Variants in PGGT1B observed in about 807,000 individuals in gnomAD.
PGGT1B encodes the protein protein geranylgeranyltransferase type I subunit beta.
A neutral mutation model predicts 46.1 loss-of-function variants in PGGT1B; 30 were observed. That is an observed-to-expected ratio of 0.65 (90% CI 0.49 to 0.88). The LOEUF (loss-of-function observed/expected upper bound fraction) is 0.88, where lower values mean the gene tolerates loss of function less well. Ranked by LOEUF, PGGT1B falls within the 40% of genes least tolerant of loss-of-function variation. PGGT1B has a pLI of 0.00. For missense variants in PGGT1B, 376 were observed against 455.9 expected (o/e 0.82, Z 1.60); for synonymous variants, 170 against 160.0 (o/e 1.06, Z -0.47).
chr5:115,254,220 T>C (rs994828823), intron 1 of PGGT1B, among the ~76,000 whole-genome samples: 12 of 152,028 alleles, frequency 7.9e-5, no homozygotes, highest in Admixed American at 3.3e-4. Flanking sequence ...AGTACTATTA[T>C]CTAGAATAGT....
chr5:115,224,486 T>A (rs1040007856), intron 6 of PGGT1B, among the ~76,000 whole-genome samples: 1 of 152,216 alleles, frequency 6.6e-6, no homozygotes, highest in Admixed American at 6.5e-5. Context: ...TGCTTTAACA[T>A]TCATTTACCA....
intron 8 of PGGT1B, among the ~76,000 whole-genome samples, chr5:115,213,698 G>A (rs963633091): frequency 2.0e-5 from 3 of 152,138 alleles, no homozygotes; most frequent in Non-Finnish European, 4.4e-5. Context: ...CTGAGCCTAG[G>A]GAGGTTGAGG....
chr5:115,262,835 T>A lies in PGGT1B; in HGVS notation c.17A>T (p.Asp6Val). 2 of 1,611,984 alleles carry A rather than the reference T, an allele frequency of 1.2e-6. No homozygotes were observed. The highest frequency in any genetic ancestry group is 1.7e-6 in the Non-Finnish European group (2 of 1,179,830). ...CTCACCGCTCCCTGCTAGCCTCTCATCCTCAGTGGCCGCCATGCTGCTCCG... is the reference window on the plus strand; with the variant it reads ...CTCACCGCTCCCTGCTAGCCTCTCAACCTCAGTGGCCGCCATGCTGCTCCG... Reference protein sequence around the residue: MAATEDERLAGSGEGE... With the variant: MAATEVERLAGSGEGE... Residue 6 changes from aspartate (D) to valine (V), a missense_variant, in exon 1 of 9, where the codon GAT becomes GTT. This residue lies in a region of PGGT1B where 154 missense variants were observed against 142.3 expected (regional missense o/e 1.08). Transcript: ENST00000419445.
intron 2 of PGGT1B, among the ~76,000 whole-genome samples, chr5:115,242,850 C>T (rs1381142978): frequency 1.3e-5 from 2 of 152,014 alleles, no homozygotes; most frequent in Non-Finnish European, 2.9e-5. Flanking sequence ...GCCTGTAATC[C>T]CAGCTACTGG....
At chr5:115,259,382 A>G (rs565816558) in intron 1 of PGGT1B, among the ~76,000 whole-genome samples, 1 of 152,268 alleles carries the variant, frequency 6.6e-6, no homozygotes, top group Non-Finnish European at 1.5e-5. Flanking sequence ...ATGTACTGCT[A>G]GACTGTGATA....
At position 115,216,956 on chromosome 5, in the gene PGGT1B, T is replaced by C. The variant is rs183938988; in HGVS notation, c.861A>G (p.Gln287=). The C allele has an allele frequency of 8.8e-4, 1,320 of 1,507,006 alleles. 6 individuals are homozygous for C. Among genetic ancestry groups the C allele is most frequent in the Non-Finnish European group, 2.8e-4 (308 of 1,085,330 alleles). 93.4% of individuals were successfully genotyped at this position (1,507,006 alleles called of 1,614,324 possible). The change falls in exon 8 of 9, where the codon CAA becomes CAG. Residue 287 remains glutamine, a synonymous_variant. Transcript: ENST00000419445. Reference sequence around the variant, plus strand: ...TTCTATTTTTCTCAAAGTTAGTGTATTGGAAAATTTTTAGAAGCTGAAATG... The same window carrying C: ...TTCTATTTTTCTCAAAGTTAGTGTACTGGAAAATTTTTAGAAGCTGAAATG... ...GATLKLLKIF[Q]YTNFEKNRNY... is the part of the protein sequence containing the mutation.
chr5:115,217,453 A>C (rs1360155334), intron 7 of PGGT1B, among the ~76,000 whole-genome samples: 2 of 152,138 alleles, frequency 1.3e-5, no homozygotes, highest in African/African-American at 4.8e-5. Context: ...TAGCTCTTTA[A>C]TTAGGAAAGA....
chr5:115,226,313 A>G (rs973623437), intron 6 of PGGT1B, among the ~76,000 whole-genome samples: 1 of 152,168 alleles, frequency 6.6e-6, no homozygotes, highest in African/African-American at 2.4e-5. Context: ...AGATTAGGGA[A>G]GCTTAATTGG....
chr5:115,236,370 A>G lies in PGGT1B; in HGVS notation c.612+20T>C. On this transcript the variant is annotated intron_variant, in intron 5 of 8. Coordinates refer to ENST00000419445, the MANE Select transcript of PGGT1B (RefSeq NM_005023.4). ...CCAGCAAAAACAACCTAAATAGTCA[A>G]TTTTATCAACAGAACTCACCATACT... 3 of 1,582,920 alleles carry G rather than the reference A, an allele frequency of 1.9e-6. No homozygotes were observed. Among genetic ancestry groups the G allele is most frequent in the South Asian group, 2.3e-5 (2 of 85,228 alleles).
At chr5:115,213,434 C>T (rs539878252) in intron 8 of PGGT1B, among the ~76,000 whole-genome samples, 1 of 152,198 alleles carries the variant, frequency 6.6e-6, no homozygotes, top group East Asian at 1.9e-4. Flanking sequence ...AAATTTTTTT[C>T]TATTTTTGAA....
intron 8 of PGGT1B, among the ~76,000 whole-genome samples, chr5:115,213,666 G>A (rs1409043957): frequency 1.3e-5 from 2 of 151,878 alleles, no homozygotes; most frequent in African/African-American, 2.4e-5. Flanking sequence ...GGCTACTCGG[G>A]AGGCTGAGGT....
chr5:115,260,462 C>T (rs1240618948), intron 1 of PGGT1B, among the ~76,000 whole-genome samples: 1 of 152,058 alleles, frequency 6.6e-6, no homozygotes, highest in Non-Finnish European at 1.5e-5. Context: ...ACTGTTTTGT[C>T]TTAAAGATCA....
rs1426681441 is a variant in PGGT1B, at chr5:115,244,900, T to C, written c.260-3294A>G. ...GCCCACCGCACCCAGCCTATCCTTT[T>C]ATCATCACTTCTTTTAATCCTTCTC... On this transcript the variant is annotated intron_variant, in intron 2 of 8. Transcript: ENST00000419445. Among the ~76,000 whole-genome samples the C allele has an allele frequency of 3.9e-5, 6 of 152,290 alleles. No individual in the cohort carries two copies. The East Asian group carries it at 5.8e-4, about 15-fold the overall frequency.
intron 6 of PGGT1B, among the ~76,000 whole-genome samples, chr5:115,222,962 C>T (rs746411071): frequency 1.3e-5 from 2 of 152,020 alleles, no homozygotes; most frequent in East Asian, 1.9e-4. Flanking sequence ...ACACCGGGGC[C>T]TGTTGTGGGG....
At chr5:115,213,862 C>T (rs776500274) in intron 8 of PGGT1B, among the ~76,000 whole-genome samples, 3 of 152,180 alleles carry the variant, frequency 2.0e-5, no homozygotes, top group Non-Finnish European at 2.9e-5. Flanking sequence ...AACAGTATCA[C>T]TTATTTTTCA....
At chr5:115,256,250 T>C (rs1011252618) in intron 1 of PGGT1B, among the ~76,000 whole-genome samples, 4 of 152,202 alleles carry the variant, frequency 2.6e-5, no homozygotes, top group Non-Finnish European at 5.9e-5. Flanking sequence ...GACAGGTCCA[T>C]ACAACCAAGA....
At chr5:115,257,235 G>A (rs1748358764) in intron 1 of PGGT1B, among the ~76,000 whole-genome samples, 1 of 152,112 alleles carries the variant, frequency 6.6e-6, no homozygotes, top group African/African-American at 2.4e-5. Flanking sequence ...CAAGAAGGAT[G>A]GGCGCAGTGG....
intron 5 of PGGT1B, among the ~76,000 whole-genome samples, chr5:115,232,974 G>C (rs1029988303): frequency 7.3e-5 from 11 of 151,668 alleles, no homozygotes; most frequent in African/African-American, 2.7e-4. Context: ...AAAAATCATA[G>C]AACAACCCCA....
chr5:115,229,677 C>T (rs2127003485), intron 6 of PGGT1B, among the ~76,000 whole-genome samples: 1 of 152,248 alleles, frequency 6.6e-6, no homozygotes, highest in South Asian at 2.1e-4. Context: ...ACACTAATAC[C>T]ACCTACAATA....
Sources: allele counts gnomAD v4.1 joint callset (sites outside exome capture counted in the v4.1 genomes callset), GRCh38; gene constraint gnomAD v4.1.1; regional missense constraint gnomAD v4.1.1; transcripts MANE v1.5; gene names NCBI Gene and HGNC (gene_info 2026-07-23, HGNC 2026-07-21).